Variants in CNTNAP5 observed in about 807,000 individuals in gnomAD.
CNTNAP5 encodes the protein contactin associated protein family member 5.
Under a neutral mutation model 150.2 loss-of-function variants are expected in CNTNAP5, and 72 were observed. The observed-to-expected ratio is 0.48, with a 90% confidence interval of 0.40 to 0.58. The LOEUF (loss-of-function observed/expected upper bound fraction) is 0.58. Ranked by LOEUF, CNTNAP5 falls within the 20% of genes least tolerant of loss-of-function variation. The pLI is 0.00. For missense variants in CNTNAP5, 1,636 were observed against 1,626.2 expected (o/e 1.01, Z -0.10); for synonymous variants, 672 against 619.8 (o/e 1.08, Z -1.25).
At chr2:124,400,507 C>T (rs1353577729) in intron 3 of CNTNAP5, among the ~76,000 whole-genome samples, 1 of 152,100 alleles carries the variant, frequency 6.6e-6, no homozygotes, top group African/African-American at 2.4e-5. Context: ...TTAGCCTCTC[C>T]CTAGCTCTGG....
At chr2:124,483,018 T>C (rs892819434) in intron 7 of CNTNAP5, among the ~76,000 whole-genome samples, 22 of 152,238 alleles carry the variant, frequency 1.4e-4, no homozygotes, top group Non-Finnish European at 2.9e-4. Flanking sequence ...GTTTCTGGAA[T>C]TCACTCCTTG....
chr2:124,242,493 T>A, intron 3 of CNTNAP5, 100 bp downstream of exon 3: 1 of 1,151,870 alleles, frequency 8.7e-7, no homozygotes, highest in Non-Finnish European at 1.2e-6. Flanking sequence ...GTTGGTAGTT[T>A]AATAACTGGT....
intron 11 of CNTNAP5, among the ~76,000 whole-genome samples, chr2:124,599,320 T>A (rs1696924589): frequency 6.6e-6 from 1 of 152,190 alleles, no homozygotes; most frequent in South Asian, 2.1e-4. Context: ...TTGAGTTGCC[T>A]TTATCAACAA....
At position 124,713,252 on chromosome 2, in the gene CNTNAP5, T is replaced by C. The variant is rs1017278200; in HGVS notation, c.2078-33977T>C. On this transcript the variant is annotated intron_variant, in intron 13 of 23. Coordinates refer to ENST00000682447, the MANE Select transcript of CNTNAP5 (RefSeq NM_001367498.1). ...CTTTCTTTCTTTCTTTCTCTTTCTT[T>C]CTTTCTTTCTTTCTTTCTTTCTTTC... Among the ~76,000 whole-genome samples the C allele has an allele frequency of 2.9e-3, 327 of 112,242 alleles. 30 individuals are homozygous for C. The highest frequency in any genetic ancestry group is 8.9e-3 in the African/African-American group (288 of 32,372). The allele number at this position is 112,242 out of a possible 152,430, so 73.6% of individuals were successfully genotyped here.
At chr2:124,524,209 T>C in intron 8 of CNTNAP5, 94 bp from the exon 9 acceptor site, 1 of 1,294,860 alleles carries the variant, frequency 7.7e-7, no homozygotes, top group Non-Finnish European at 1.1e-6. Context: ...GCTCTGAGAA[T>C]GGCATGGACG....
intron 13 of CNTNAP5, among the ~76,000 whole-genome samples, chr2:124,703,823 A>T (rs769331722): frequency 6.6e-6 from 1 of 152,202 alleles, no homozygotes; most frequent in Non-Finnish European, 1.5e-5. Flanking sequence ...GTGAATGAAG[A>T]TCATAATCAT....
At chr2:124,061,265 T>A (rs1682003421) in intron 1 of CNTNAP5, among the ~76,000 whole-genome samples, 1 of 152,224 alleles carries the variant, frequency 6.6e-6, no homozygotes, top group African/African-American at 2.4e-5. Context: ...TTGTCTTTAA[T>A]CTATCACTTG....
chr2:124,767,979 C>T (rs941349686), intron 16 of CNTNAP5, among the ~76,000 whole-genome samples: 1 of 152,150 alleles, frequency 6.6e-6, no homozygotes, highest in Non-Finnish European at 1.5e-5. Context: ...CCCCAAGAAC[C>T]AATGTGTGTG....
rs56058229 is a variant in CNTNAP5, at chr2:124,872,230, T to C, written c.3436+2468T>C. On this transcript the variant is annotated intron_variant, in intron 21 of 23. Coordinates refer to ENST00000682447, the MANE Select transcript of CNTNAP5 (RefSeq NM_001367498.1). Reference sequence around the variant, plus strand: ...TGTTGTCTCTGTTCTTTTGTTTGTTTCCATCTTTTTATGTATTTAGGCATT... The same window carrying C: ...TGTTGTCTCTGTTCTTTTGTTTGTTCCCATCTTTTTATGTATTTAGGCATT... 7.2e-3 allele frequency among the ~76,000 whole-genome samples: 1,094 copies of C among 152,222 alleles called. 4 individuals are homozygous for C. Among genetic ancestry groups the C allele is most frequent in the Non-Finnish European group, 0.012 (834 of 67,998 alleles).
At chr2:124,477,921 GA>G (rs1693680463) in intron 7 of CNTNAP5, among the ~76,000 whole-genome samples, 1 of 151,904 alleles carries the variant, frequency 6.6e-6, no homozygotes, top group Admixed American at 6.6e-5. Flanking sequence ...AGAGCAAAGT[GA>G]AACAACAGTA....
At chr2:124,412,489 G>A (rs1316661709) in intron 3 of CNTNAP5, among the ~76,000 whole-genome samples, 1 of 151,466 alleles carries the variant, frequency 6.6e-6, no homozygotes, top group South Asian at 2.1e-4. Context: ...ATACTACAAG[G>A]CTACAGTAAC....
intron 12 of CNTNAP5, among the ~76,000 whole-genome samples, chr2:124,637,885 G>A (rs1022594879): frequency 1.3e-5 from 2 of 151,728 alleles, no homozygotes; most frequent in African/African-American, 4.8e-5. Context: ...TTCTTGCATG[G>A]AAAGATATTC....
intron 3 of CNTNAP5, among the ~76,000 whole-genome samples, chr2:124,358,017 C>A (rs1490757909): frequency 2.0e-5 from 3 of 151,014 alleles, no homozygotes; most frequent in African/African-American, 4.8e-5. Context: ...TGAAGAGGTC[C>A]TTCACATCCC....
intron 1 of CNTNAP5, among the ~76,000 whole-genome samples, chr2:124,149,643 A>G (rs74918048): frequency 6.6e-6 from 1 of 152,210 alleles, no homozygotes; most frequent in Non-Finnish European, 1.5e-5. Flanking sequence ...TGTAAAGGCT[A>G]TCACCAGGTC....
chr2:124,198,687 T>TACAAAAAA (rs1220644293), intron 1 of CNTNAP5, among the ~76,000 whole-genome samples: 3 of 152,172 alleles, frequency 2.0e-5, no homozygotes, highest in Non-Finnish European at 4.4e-5. Context: ...ACATTTTAAA[T>TACAAAAAA]TCTCTGTATT....
chr2:124,194,901 T>C (rs1300083701), intron 1 of CNTNAP5, among the ~76,000 whole-genome samples: 1 of 151,940 alleles, frequency 6.6e-6, no homozygotes, highest in Non-Finnish European at 1.5e-5. Context: ...AAGGGAAAAC[T>C]AGAAGTTATT....
chr2:124,078,150 T>C (rs1398201211), intron 1 of CNTNAP5, among the ~76,000 whole-genome samples: 2 of 152,236 alleles, frequency 1.3e-5, no homozygotes, highest in Non-Finnish European at 1.5e-5. Context: ...AATTGTAGCA[T>C]ATAATCATCA....
At chr2:124,849,479 C>G (rs1015695356) in intron 19 of CNTNAP5, among the ~76,000 whole-genome samples, 1 of 152,078 alleles carries the variant, frequency 6.6e-6, no homozygotes, top group African/African-American at 2.4e-5. Flanking sequence ...ATGCCTCCAG[C>G]CTTGTTCTTC....
chr2:124,510,895 A>G (rs1303438549), intron 8 of CNTNAP5, among the ~76,000 whole-genome samples: 1 of 152,186 alleles, frequency 6.6e-6, no homozygotes, highest in East Asian at 1.9e-4. Context: ...CAATTCTCCA[A>G]TGAATGAGCA....
Sources: gnomAD v4.1 joint callset for allele counts (sites outside exome capture counted in the v4.1 genomes callset) on GRCh38, gnomAD v4.1.1 for gene constraint, MANE v1.5 for transcripts, NCBI Gene and HGNC (gene_info 2026-07-23, HGNC 2026-07-21) for gene names.